FNDC3A: variants seen among roughly 807,000 people sequenced by gnomAD.
FNDC3A encodes fibronectin type-III domain-containing protein 3A.
A neutral mutation model predicts 148.9 loss-of-function variants in FNDC3A; 32 were observed. The observed-to-expected ratio is 0.21, with a 90% CI of 0.16 to 0.29. The LOEUF is 0.29. Ranked by LOEUF, FNDC3A falls within the 10% of genes least tolerant of loss-of-function variation. FNDC3A has a pLI of 1.00. For missense variants in FNDC3A, 1,191 were observed against 1,452.8 expected, an observed-to-expected ratio of 0.82 and a Z score of 2.93; for synonymous variants, 472 against 473.6, an observed-to-expected ratio of 1.00 and a Z score of 0.04.
chr13:49,151,110 G>A (rs186329056), intron 8 of FNDC3A, among the ~76,000 whole-genome samples: 260 of 152,146 alleles, frequency 1.7e-3, no homozygotes, highest in African/African-American at 6.1e-3. Flanking sequence ...GGTCTAATGT[G>A]CCATTTAAAT....
At chr13:49,112,314 T>A (rs543887073) in intron 3 of FNDC3A, among the ~76,000 whole-genome samples, 2 of 152,354 alleles carry the variant, frequency 1.3e-5, no homozygotes, top group African/African-American at 4.8e-5. Context: ...GTTAGTTTAC[T>A]GTAGTTTTAT....
At chr13:49,081,368 G>A (rs1227419855) in intron 3 of FNDC3A, among the ~76,000 whole-genome samples, 2 of 152,282 alleles carry the variant, frequency 1.3e-5, no homozygotes, top group East Asian at 3.9e-4. Context: ...GTTTTAGACA[G>A]ACAAGCAAAA....
intron 4 of FNDC3A, among the ~76,000 whole-genome samples, chr13:49,119,127 G>T (rs189560994): frequency 2.7e-4 from 41 of 152,310 alleles, no homozygotes; most frequent in South Asian, 1.9e-3. Flanking sequence ...TCTGGTGGGT[G>T]CCCTTCTGGG....
intron 2 of FNDC3A, among the ~76,000 whole-genome samples, chr13:49,064,264 C>T (rs537709498): frequency 3.0e-4 from 45 of 152,176 alleles, no homozygotes; most frequent in African/African-American, 1.0e-3. Context: ...TCGCTTGAAC[C>T]TGGGAGGTGG....
chr13:49,201,197 A>G (rs879216222), intron 23 of FNDC3A: 3 of 297,544 alleles, frequency 1.0e-5, no homozygotes, highest in Admixed American at 3.9e-5. Context: ...AGAAATATGT[A>G]TGATATTCAA....
At chr13:49,197,583 A>G in intron 20 of FNDC3A, 142 bp from the exon 21 acceptor site, 1 of 622,252 alleles carries the variant, frequency 1.6e-6, no homozygotes. Flanking sequence ...TGTAAAATTG[A>G]ACAGTTTTGA....
intron 13 of FNDC3A, among the ~76,000 whole-genome samples, chr13:49,176,048 C>T (rs1885013701): frequency 1.3e-5 from 2 of 152,106 alleles, no homozygotes; most frequent in Non-Finnish European, 2.9e-5. Context: ...GGGATGAAGC[C>T]AACTTGATCA....
intron 14 of FNDC3A, among the ~76,000 whole-genome samples, chr13:49,182,551 T>C (rs182955216): frequency 1.7e-3 from 260 of 152,200 alleles, no homozygotes; most frequent in African/African-American, 6.1e-3. Flanking sequence ...TTTTTTCTTT[T>C]TTTTTTTCCA....
intron 2 of FNDC3A, among the ~76,000 whole-genome samples, chr13:49,066,369 C>A (rs1877259822): frequency 1.3e-5 from 2 of 151,246 alleles, no homozygotes; most frequent in Admixed American, 1.3e-4. Flanking sequence ...AGATCTCTCA[C>A]CCTTATAGTT....
Position 49,207,223 on chromosome 13 carries a change from T to C in FNDC3A, c.3425T>C (p.Leu1142Pro), listed in dbSNP as rs1313078027. ...GTAGGTCCCTACAGCACCACAGTGC[T>C]CTTCATCTCTCAGAGGACTGAACCA... ...DLVGPYSTTV[L>P]FISQRTEPPA... The change falls in exon 26 of 26, where the codon CTC (leucine) becomes CCC (proline). Residue 1142 changes from leucine to proline, a missense_variant. This residue lies in a region of FNDC3A where 751 missense variants were observed against 944.0 expected (regional missense o/e 0.80). Transcript: ENST00000492622. The C allele has an allele frequency of 1.9e-6, 3 of 1,614,160 alleles. No homozygotes were observed. The highest frequency in any genetic ancestry group is 2.2e-5 in the East Asian group (1 of 44,886).
At chr13:49,173,451 G>C (rs1884867170) in intron 11 of FNDC3A, among the ~76,000 whole-genome samples, 1 of 152,156 alleles carries the variant, frequency 6.6e-6, no homozygotes, top group Non-Finnish European at 1.5e-5. Context: ...GGAATAGAAA[G>C]GTAATTTCTT....
At chr13:49,023,031 C>T (rs1383912010) in intron 2 of FNDC3A, among the ~76,000 whole-genome samples, 1 of 152,008 alleles carries the variant, frequency 6.6e-6, no homozygotes, top group East Asian at 1.9e-4. Context: ...TAACTTCACA[C>T]ATATTCAGGT....
chr13:49,155,405 T>C (rs1222215424), intron 8 of FNDC3A, among the ~76,000 whole-genome samples: 2 of 151,516 alleles, frequency 1.3e-5, no homozygotes, highest in Non-Finnish European at 2.9e-5. Flanking sequence ...TTGATTCTTC[T>C]CTCTTTTTTT....
intron 4 of FNDC3A, among the ~76,000 whole-genome samples, chr13:49,123,383 A>G (rs1302678630): frequency 6.6e-6 from 1 of 152,112 alleles, no homozygotes; most frequent in Non-Finnish European, 1.5e-5. Flanking sequence ...AAAACCTAAA[A>G]CCGTAAAAAC....
intron 4 of FNDC3A, among the ~76,000 whole-genome samples, chr13:49,127,882 CT>C (rs557919596): frequency 9.2e-4 from 136 of 147,680 alleles, no homozygotes; most frequent in Middle Eastern, 3.5e-3. Flanking sequence ...TGTTTCTCTA[CT>C]TTTTTTTTTT....
intron 2 of FNDC3A, among the ~76,000 whole-genome samples, chr13:49,030,818 A>G (rs982266866): frequency 2.0e-5 from 3 of 152,240 alleles, no homozygotes; most frequent in Non-Finnish European, 2.9e-5. Context: ...AGATGTATAC[A>G]CTGAAAACCA....
chr13:49,128,112 C>T (rs1438416357), intron 4 of FNDC3A, among the ~76,000 whole-genome samples: 1 of 152,132 alleles, frequency 6.6e-6, no homozygotes, highest in Non-Finnish European at 1.5e-5. Context: ...GAACGCCTGA[C>T]CTCATGATCC....
chr13:49,054,010 CA>C (rs1046694788), intron 2 of FNDC3A, among the ~76,000 whole-genome samples: 1 of 152,148 alleles, frequency 6.6e-6, no homozygotes, highest in Non-Finnish European at 1.5e-5. Context: ...CTTGTTTCTG[CA>C]AAGAGTCTGT....
At chr13:49,198,942 C>T (rs1886291704) in intron 23 of FNDC3A, among the ~76,000 whole-genome samples, 1 of 152,066 alleles carries the variant, frequency 6.6e-6, no homozygotes, top group South Asian at 2.1e-4. Context: ...TTTCTGTAAT[C>T]CATTTACTGT....
Sources: gnomAD v4.1 joint callset for allele counts (sites outside exome capture counted in the v4.1 genomes callset) on GRCh38, gnomAD v4.1.1 for gene constraint, gnomAD v4.1.1 regional missense constraint, MANE v1.5 for transcripts, NCBI Gene and HGNC (gene_info 2026-07-23, HGNC 2026-07-21) for gene names.